Variants in VPS37B observed in about 807,000 individuals in gnomAD.
VPS37B encodes the protein VPS37B subunit of ESCRT-I.
VPS37B carries 11 observed loss-of-function variants against 21.2 expected under a neutral mutation model. The observed-to-expected ratio is 0.52, with a 90% CI of 0.33 to 0.86. The LOEUF is 0.86. Among genes scored for constraint, VPS37B ranks in the 40% least tolerant of loss-of-function variants. The probability of loss-of-function intolerance (pLI) is 0.03; values close to 1 mark genes in which losing one functional copy is unlikely to be tolerated. For synonymous variants in VPS37B, 175 were observed against 159.6 expected (o/e 1.10, Z -0.73); for missense variants, 389 against 374.8 (o/e 1.04, Z -0.31).
rs1010419233 is a variant in VPS37B, at chr12:122,888,458, G to A, written c.111+7494C>T. ...GAACTCTTGTCTCAGCATGTTCTGA[G>A]CGCCAGTGATTACCTACGAGTGGCT... On this transcript the variant is annotated intron_variant, in intron 1 of 3. Coordinates refer to ENST00000267202, the MANE Select transcript of VPS37B (RefSeq NM_024667.3). 2.3e-5 allele frequency: 10 copies of A among 437,712 alleles called. No homozygotes were observed. The East Asian group carries it at 7.3e-4, about 32-fold the overall frequency. 27.1% of individuals were successfully genotyped at this position (437,712 alleles called of 1,614,324 possible).
chr12:122,872,705 C>A (rs2034062135), intron 1 of VPS37B: 1 of 985,278 alleles, frequency 1.0e-6, no homozygotes, highest in African/African-American at 1.7e-5. Context: ...TGTATGGCCA[C>A]TCTGGAAAAC....
chr12:122,884,622 C>T (rs1461111430), intron 1 of VPS37B: 2 of 152,016 alleles, frequency 1.3e-5, no homozygotes, highest in African/African-American at 4.8e-5. Flanking sequence ...GACCACCTGA[C>T]CATGAGGGGT....
rs191396248 is a variant in VPS37B at position 122,867,027 on chromosome 12, G to A, written c.*89C>T. 7 of 1,414,526 alleles carry A rather than the reference G, an allele frequency of 4.9e-6. No homozygotes were observed. The African/African-American group carries it at 7.2e-5, about 15-fold the overall frequency. The allele number at this position is 1,414,526 out of a possible 1,614,324, so 87.6% of individuals were successfully genotyped here. A position where few individuals can be genotyped will look rare whatever the true frequency, so the allele number is the denominator to read the frequency against. Reference sequence around the variant, plus strand: ...GCTGGCCCAGGGCCCCAGAGCCCTTGGCACAGAGCGGACCTCCAGCCTCCT... The same window carrying A: ...GCTGGCCCAGGGCCCCAGAGCCCTTAGCACAGAGCGGACCTCCAGCCTCCT... On this transcript the variant is annotated 3_prime_UTR_variant, in exon 4 of 4. Transcript: ENST00000267202. This position sits in a 1 kb window ranked among gnomAD's most constrained non-coding sequence, Gnocchi z 5.5.
At chr12:122,886,977 T>C (rs1390293701) in intron 1 of VPS37B, 1 of 152,248 alleles carries the variant, frequency 6.6e-6, no homozygotes, top group Non-Finnish European at 1.5e-5. Context: ...ACGGCTTTTA[T>C]GACTTTTGCC....
rs957330536 is a variant in VPS37B, at chr12:122,868,852, C to A, written c.284-290G>T. ...TTATGTTTTGAGTGGTAACTTACATCGAGTATACACATCTCAAGTGTGTAA... is the reference window on the plus strand; with the variant it reads ...TTATGTTTTGAGTGGTAACTTACATAGAGTATACACATCTCAAGTGTGTAA... On this transcript the variant is annotated intron_variant, in intron 2 of 3. Transcript: ENST00000267202. The surrounding 1 kb of genome is among the most constrained non-coding windows in gnomAD (Gnocchi z 5.5). Among the ~76,000 whole-genome samples the A allele has an allele frequency of 2.0e-5, 3 of 152,148 alleles. No individual in the cohort carries two copies. The highest frequency in any genetic ancestry group is 4.4e-5 in the Non-Finnish European group (3 of 68,032).
chr12:122,895,867 G>A (rs1260008082), intron 1 of VPS37B, 85 bp downstream of exon 1: 2 of 1,244,624 alleles, frequency 1.6e-6, no homozygotes, highest in Non-Finnish European at 2.3e-6. Flanking sequence ...GAGGCGCCGC[G>A]GTCGCCTCCG....
intron 1 of VPS37B, chr12:122,872,017 C>A (rs961876513): frequency 9.9e-5 from 98 of 985,256 alleles, no homozygotes; most frequent in Non-Finnish European, 1.2e-4. Context: ...CTTTAAGCAG[C>A]TCTTCTTCAA....
At chr12:122,871,662 C>G (rs192103241) in intron 1 of VPS37B, 1 of 985,480 alleles carries the variant, frequency 1.0e-6, no homozygotes, top group East Asian at 1.1e-4. Flanking sequence ...CAAAGCCGAC[C>G]AAAAGCTGGG....
At position 122,870,861 on chromosome 12, in the gene VPS37B, T is replaced by C. The variant is rs756163841; in HGVS notation, c.283+29A>G. ...AATGTGTCCTTCTCTCAACTCTTTA[T>C]TCTCGAATGATCACCCTTAAAAAGT... is the stretch of plus-strand genomic sequence containing the variant. On this transcript the variant is annotated intron_variant, in intron 2 of 3. Transcript: ENST00000267202. 2.5e-6 allele frequency: 4 copies of C among 1,593,434 alleles called. No individual in the cohort carries two copies. In the South Asian group the frequency reaches 4.5e-5, roughly 18 times the overall value.
Position 122,868,645 on chromosome 12 carries a change from C to A in VPS37B, c.284-83G>T. 8.3e-7 allele frequency: 1 copy of A among 1,202,612 alleles called. No homozygotes were observed. Among genetic ancestry groups the A allele is most frequent in the Non-Finnish European group, 1.2e-6 (1 of 834,972 alleles). 74.5% of individuals were successfully genotyped at this position (1,202,612 alleles called of 1,614,324 possible). On this transcript the variant is annotated intron_variant, in intron 2 of 3. Coordinates refer to ENST00000267202, the MANE Select transcript of VPS37B (RefSeq NM_024667.3). This position sits in a 1 kb window ranked among gnomAD's most constrained non-coding sequence, Gnocchi z 5.5. ...TGATGCCAACCACGGCAGGATTGCA[C>A]CTTCCTTTCCAGGAAGCTGAATGTG...
chr12:122,872,045 C>A (rs772364287), intron 1 of VPS37B: 22 of 985,278 alleles, frequency 2.2e-5, no homozygotes, highest in African/African-American at 1.7e-5. Flanking sequence ...CCAGTCATCT[C>A]ATTTTCCCCT....
chr12:122,871,072 C>T lies in VPS37B; in HGVS notation c.112-11G>A. ...CTGAACATTCTGTGTCTGCAAGGAA[C>T]ACACAAGATGATGAGAACCAAAAGT... On this transcript the variant is annotated splice_polypyrimidine_tract_variant and intron_variant, in intron 1 of 3. Transcript: ENST00000267202. The T allele has an allele frequency of 6.2e-7, 1 of 1,613,344 alleles. No homozygotes were observed.
In VPS37B at chr12:122,867,238, G is replaced by T. The variant is rs570240714; in HGVS notation, c.736C>A (p.Arg246Ser). The T allele has an allele frequency of 3.8e-6, 6 of 1,567,648 alleles. No individual in the cohort carries two copies. The highest frequency in any genetic ancestry group is 5.2e-6 in the Non-Finnish European group (6 of 1,160,738). Residue 246 changes from arginine to serine, a missense_variant, in exon 4 of 4, where the codon CGC becomes AGC. Coordinates refer to ENST00000267202, the MANE Select transcript of VPS37B (RefSeq NM_024667.3). This position sits in a 1 kb window ranked among gnomAD's most constrained non-coding sequence, Gnocchi z 5.5. ...CCTTGCTGAGTGGGGAGGCCCACGC[G>T]GGGGGGCAGGGGCGGGCACTGTAAT... ...PGLQCPPLPP[R>S]VGLPTQQGFS... is the part of the protein sequence containing the mutation.
chr12:122,870,667 T>G, intron 2 of VPS37B: 4 of 408,530 alleles, frequency 9.8e-6, no homozygotes, highest in South Asian at 6.9e-5. Flanking sequence ...GCCCAGGAGG[T>G]CGTGCTGAGC....
At chr12:122,886,771 G>A (rs1404890088) in intron 1 of VPS37B, 1 of 152,158 alleles carries the variant, frequency 6.6e-6, no homozygotes, top group African/African-American at 2.4e-5. Context: ...TTCTTGCCAG[G>A]CATGGTGTAA....
In VPS37B at chr12:122,867,660, C is replaced by T. The variant is rs2033934640; in HGVS notation, c.367-53G>A. On this transcript the variant is annotated intron_variant, in intron 3 of 3. Coordinates refer to ENST00000267202, the MANE Select transcript of VPS37B (RefSeq NM_024667.3). This position sits in a 1 kb window ranked among gnomAD's most constrained non-coding sequence, Gnocchi z 5.5. ...GGACAGCCAGATGGGGAGGATGCTC[C>T]CTTCGTGGTCTAGGCACAAGGAGAG... 14 of 1,601,078 alleles carry T rather than the reference C, an allele frequency of 8.7e-6. No individual in the cohort carries two copies. The South Asian group carries it at 1.5e-4, about 18-fold the overall frequency.
intron 1 of VPS37B, chr12:122,871,370 G>A (rs142670389): frequency 0.01 from 11,184 of 1,088,916 alleles, 72 homozygotes; most frequent in Non-Finnish European, 0.012. Context: ...TCCTTACTAC[G>A]GCCATTGTGC....
chr12:122,868,624 G>T lies in VPS37B; in HGVS notation c.284-62C>A. On this transcript the variant is annotated intron_variant, in intron 2 of 3. Coordinates refer to ENST00000267202, the MANE Select transcript of VPS37B (RefSeq NM_024667.3). This position sits in a 1 kb window ranked among gnomAD's most constrained non-coding sequence, Gnocchi z 5.5. ...GTGTCCAGGTAAAGCCCTTCATGATGCCAACCACGGCAGGATTGCACCTTC... is the reference window on the plus strand; with the variant it reads ...GTGTCCAGGTAAAGCCCTTCATGATTCCAACCACGGCAGGATTGCACCTTC... The T allele has an allele frequency of 7.1e-7, 1 of 1,402,506 alleles. No individual in the cohort carries two copies. The highest frequency in any genetic ancestry group is 1.0e-6 in the Non-Finnish European group (1 of 1,004,922). 86.9% of individuals were successfully genotyped at this position (1,402,506 alleles called of 1,614,324 possible).
intron 1 of VPS37B, chr12:122,889,781 A>AC (rs2034387409): frequency 6.6e-6 from 1 of 151,048 alleles, no homozygotes; most frequent in East Asian, 1.9e-4. Context: ...CAAAATCATC[A>AC]CGAAGCTCCT....
Sources: gnomAD v4.1 joint callset for allele counts (sites outside exome capture counted in the v4.1 genomes callset) on GRCh38, gnomAD v4.1.1 for gene constraint, Gnocchi (gnomAD v3.1) non-coding constraint, MANE v1.5 for transcripts, NCBI Gene and HGNC (gene_info 2026-07-23, HGNC 2026-07-21) for gene names.